The following CPQ variants were observed in gnomAD, a reference collection of about 807,000 sequenced individuals.
CPQ encodes Ser-Met dipeptidase.
A neutral mutation model predicts 45.7 loss-of-function variants in CPQ; 37 were observed. That is an observed-to-expected ratio of 0.81 (90% confidence interval 0.62 to 1.07). The LOEUF (loss-of-function observed/expected upper bound fraction) is 1.07. Ranked by LOEUF, CPQ falls within the 50% of genes least tolerant of loss-of-function variation. The probability of loss-of-function intolerance (pLI) is 0.00; values close to 1 mark genes in which losing one functional copy is unlikely to be tolerated. For synonymous variants in CPQ, 186 were observed against 205.8 expected, an observed-to-expected ratio of 0.90 and a Z score of 0.82; for missense variants, 537 against 572.9, an observed-to-expected ratio of 0.94 and a Z score of 0.64.
At chr8:97,013,299 T>C (rs930987342) in intron 5 of CPQ, among the ~76,000 whole-genome samples, 7 of 151,700 alleles carry the variant, frequency 4.6e-5, no homozygotes, top group Admixed American at 1.3e-4. Context: ...GTAATAACAA[T>C]AATAATAATA....
intron 6 of CPQ, among the ~76,000 whole-genome samples, chr8:97,036,567 T>G (rs1810010379): frequency 6.6e-6 from 1 of 152,216 alleles, no homozygotes; most frequent in African/African-American, 2.4e-5. Flanking sequence ...CAGGTACCAT[T>G]TGCCTAATCT....
intron 4 of CPQ, among the ~76,000 whole-genome samples, chr8:96,898,687 T>G (rs917992341): frequency 1.4e-5 from 2 of 147,864 alleles, no homozygotes; most frequent in Non-Finnish European, 3.0e-5. Context: ...GATGACACAT[T>G]AGTGGGTGCA....
chr8:96,837,997 A>C (rs539108557), intron 3 of CPQ, among the ~76,000 whole-genome samples: 5 of 152,010 alleles, frequency 3.3e-5, no homozygotes, highest in Admixed American at 3.3e-4. Flanking sequence ...CGTTTCCTCA[A>C]AGTGTTGTGA....
intron 4 of CPQ, among the ~76,000 whole-genome samples, chr8:96,912,100 C>A (rs942543115): frequency 1.3e-5 from 2 of 152,146 alleles, no homozygotes; most frequent in Non-Finnish European, 2.9e-5. Context: ...TTCTGACCCC[C>A]CAGAACCAGA....
chr8:96,677,939 A>G (rs889157592), intron 1 of CPQ, among the ~76,000 whole-genome samples: 2 of 151,804 alleles, frequency 1.3e-5, no homozygotes, highest in East Asian at 1.9e-4. Context: ...CCTTTCCTCA[A>G]TTTATGTTTT....
intron 3 of CPQ, among the ~76,000 whole-genome samples, chr8:96,862,518 T>C (rs1811939724): frequency 6.6e-6 from 1 of 151,998 alleles, no homozygotes; most frequent in African/African-American, 2.4e-5. Context: ...AGTTTAGGAA[T>C]ATGGAGTTAC....
chr8:96,689,640 A>T (rs530244742), intron 1 of CPQ, among the ~76,000 whole-genome samples: 7 of 152,114 alleles, frequency 4.6e-5, no homozygotes, highest in South Asian at 2.1e-4. Context: ...TGGATATAAA[A>T]TTTTTTCTTA....
intron 1 of CPQ, among the ~76,000 whole-genome samples, chr8:96,733,293 C>T (rs191368508): frequency 1.3e-5 from 2 of 152,318 alleles, no homozygotes; most frequent in Non-Finnish European, 2.9e-5. Flanking sequence ...TCCAATCCTA[C>T]CAAAGATAAG....
intron 1 of CPQ, among the ~76,000 whole-genome samples, chr8:96,701,622 G>A (rs751990540): frequency 2.6e-5 from 4 of 152,160 alleles, no homozygotes; most frequent in Non-Finnish European, 4.4e-5. Flanking sequence ...AGGAGGCTCC[G>A]AAGAGATCTG....
intron 5 of CPQ, among the ~76,000 whole-genome samples, chr8:97,013,770 G>T (rs1259461023): frequency 6.6e-6 from 1 of 152,186 alleles, no homozygotes; most frequent in Non-Finnish European, 1.5e-5. Flanking sequence ...TCTACATAGG[G>T]CCTTGAATGC....
chr8:96,882,351 G>C (rs1812236460), intron 4 of CPQ, among the ~76,000 whole-genome samples: 1 of 152,188 alleles, frequency 6.6e-6, no homozygotes, highest in African/African-American at 2.4e-5. Context: ...CAACAGAAGA[G>C]CCAAGAGTCT....
intron 4 of CPQ, among the ~76,000 whole-genome samples, chr8:96,936,969 C>G (rs1419199657): frequency 2.0e-5 from 3 of 152,110 alleles, no homozygotes; most frequent in Admixed American, 2.0e-4. Context: ...TTCCTTCCTT[C>G]CTTCCTTCCT....
intron 5 of CPQ, among the ~76,000 whole-genome samples, chr8:97,015,963 G>C (rs1809572079): frequency 6.6e-6 from 1 of 151,920 alleles, no homozygotes; most frequent in South Asian, 2.1e-4. Context: ...AAAATGTAAA[G>C]AAGTATAACA....
chr8:97,025,849 T>C (rs1161756474), intron 5 of CPQ, among the ~76,000 whole-genome samples: 2 of 152,228 alleles, frequency 1.3e-5, no homozygotes, highest in Non-Finnish European at 2.9e-5. Flanking sequence ...AATATAGATG[T>C]CCTTACATCA....
chr8:96,965,801 A>ATATCT (rs1813546784), intron 4 of CPQ, 134 bp from the exon 5 acceptor site: 1 of 556,460 alleles, frequency 1.8e-6, no homozygotes, highest in South Asian at 2.9e-5. Context: ...ATAATGACAC[A>ATATCT]TATCTTTAAA....
intron 1 of CPQ, among the ~76,000 whole-genome samples, chr8:96,670,887 G>A (rs1164851254): frequency 6.6e-6 from 1 of 152,000 alleles, no homozygotes; most frequent in Non-Finnish European, 1.5e-5. Flanking sequence ...GGGGGTGGGA[G>A]TAGAGGGATG....
At chr8:96,708,944 CTTCTT>C (rs1305128687) in intron 1 of CPQ, among the ~76,000 whole-genome samples, 3 of 152,070 alleles carry the variant, frequency 2.0e-5, no homozygotes, top group African/African-American at 4.8e-5. Context: ...GATCTGTCTA[CTTCTT>C]TTAAGTATTT....
chr8:97,112,210 C>T (rs1184658344), intron 7 of CPQ, among the ~76,000 whole-genome samples: 2 of 149,074 alleles, frequency 1.3e-5, no homozygotes, highest in Non-Finnish European at 3.0e-5. Context: ...AGTCCAACAA[C>T]AGACAAGATG....
intron 1 of CPQ, among the ~76,000 whole-genome samples, chr8:96,702,230 A>C (rs1809471654): frequency 6.6e-6 from 1 of 152,180 alleles, no homozygotes; most frequent in African/African-American, 2.4e-5. Context: ...TCTAGTCTTC[A>C]GTTGAAGGAA....
Sources: allele counts gnomAD v4.1 joint callset (sites outside exome capture counted in the v4.1 genomes callset), GRCh38; gene constraint gnomAD v4.1.1; transcripts MANE v1.5; gene names NCBI Gene and HGNC (gene_info 2026-07-23, HGNC 2026-07-21).